Variants in PIK3C3 observed in about 807,000 individuals in gnomAD.
PIK3C3 encodes phosphatidylinositol 3-kinase catalytic subunit type 3, also known as PI3-kinase type 3.
PIK3C3 carries 95 observed loss-of-function variants against 126.1 expected under a neutral mutation model. The ratio of observed to expected loss-of-function variants is 0.75; its 90% CI spans 0.64 to 0.89. The LOEUF (loss-of-function observed/expected upper bound fraction) is 0.89. Ranked by LOEUF, PIK3C3 falls within the 40% of genes least tolerant of loss-of-function variation. The pLI, the probability that PIK3C3 is intolerant of heterozygous loss-of-function variation, is 0.00. For missense variants in PIK3C3, 829 were observed against 1,063.2 expected (o/e 0.78, Z 3.06); for synonymous variants, 374 against 360.0 (o/e 1.04, Z -0.44).
intron 4 of PIK3C3, among the ~76,000 whole-genome samples, chr18:41,981,157 G>A (rs1299862494): frequency 2.6e-5 from 4 of 152,168 alleles, no homozygotes; most frequent in African/African-American, 4.8e-5. Flanking sequence ...GGAATATCTC[G>A]TAAATTTATT....
At chr18:41,979,710 A>G (rs1981100461) in intron 4 of PIK3C3, among the ~76,000 whole-genome samples, 1 of 152,076 alleles carries the variant, frequency 6.6e-6, no homozygotes, top group South Asian at 2.1e-4. Context: ...TAATAATGAG[A>G]TACATTATAA....
intron 2 of PIK3C3, among the ~76,000 whole-genome samples, chr18:41,959,912 C>T (rs1392905019): frequency 6.6e-6 from 1 of 151,946 alleles, no homozygotes; most frequent in Non-Finnish European, 1.5e-5. Flanking sequence ...AAATTGCCAT[C>T]CTAAAGTGAG....
At chr18:42,036,359 C>T (rs1984049145) in intron 16 of PIK3C3, among the ~76,000 whole-genome samples, 1 of 152,050 alleles carries the variant, frequency 6.6e-6, no homozygotes, top group African/African-American at 2.4e-5. Flanking sequence ...TCTGTTCATC[C>T]ATCTATATGA....
At chr18:42,020,301 T>C (rs2144417792) in intron 12 of PIK3C3, among the ~76,000 whole-genome samples, 1 of 152,208 alleles carries the variant, frequency 6.6e-6, no homozygotes, top group East Asian at 1.9e-4. Flanking sequence ...TCCAGTGTCA[T>C]TTTGGTCTTG....
At chr18:41,978,276 A>G (rs1028395624) in intron 4 of PIK3C3, among the ~76,000 whole-genome samples, 2 of 152,210 alleles carry the variant, frequency 1.3e-5, no homozygotes, top group African/African-American at 4.8e-5. Flanking sequence ...TTACACCACT[A>G]TAAAAGAAGT....
At chr18:41,995,326 C>G (rs1279612268) in intron 7 of PIK3C3, among the ~76,000 whole-genome samples, 1 of 152,014 alleles carries the variant, frequency 6.6e-6, no homozygotes, top group Non-Finnish European at 1.5e-5. Flanking sequence ...ATAGACAATT[C>G]ACACATGCAA....
intron 9 of PIK3C3, among the ~76,000 whole-genome samples, chr18:41,997,546 G>A (rs897064972): frequency 2.0e-5 from 3 of 152,108 alleles, no homozygotes; most frequent in African/African-American, 7.2e-5. Flanking sequence ...ATCAGTGATT[G>A]TGAACTTTGT....
At chr18:42,047,957 A>G (rs1357119991) in intron 20 of PIK3C3, among the ~76,000 whole-genome samples, 1 of 152,186 alleles carries the variant, frequency 6.6e-6, no homozygotes. Context: ...CTGTGTAACC[A>G]TTCAACCCTG....
At chr18:42,024,686 C>G (rs779738781) in intron 13 of PIK3C3, among the ~76,000 whole-genome samples, 1 of 152,092 alleles carries the variant, frequency 6.6e-6, no homozygotes, top group East Asian at 1.9e-4. Context: ...TCACCCGCCT[C>G]GGCCTCCCAA....
chr18:42,069,563 C>A (rs754084593), intron 24 of PIK3C3, among the ~76,000 whole-genome samples: 8 of 152,024 alleles, frequency 5.3e-5, no homozygotes, highest in Non-Finnish European at 1.0e-4. Context: ...TTATTTTTTT[C>A]TTTTTTTAAG....
At chr18:42,067,683 A>G (rs1486561151) in intron 24 of PIK3C3, among the ~76,000 whole-genome samples, 170 bp downstream of exon 24, 1 of 152,238 alleles carries the variant, frequency 6.6e-6, no homozygotes. Context: ...CACGTTACTA[A>G]TTCCAAAACA....
At chr18:41,956,144 A>T (rs1328886078) in intron 1 of PIK3C3, among the ~76,000 whole-genome samples, 1 of 152,242 alleles carries the variant, frequency 6.6e-6, no homozygotes, top group Admixed American at 6.5e-5. Context: ...ATCCATAATT[A>T]ATAAACATTT....
intron 22 of PIK3C3, among the ~76,000 whole-genome samples, chr18:42,058,665 G>A (rs34484256): frequency 7.0e-4 from 107 of 152,058 alleles, no homozygotes; most frequent in African/African-American, 2.4e-3. Flanking sequence ...TTTTTTCTCC[G>A]TCCTTTTTTC....
rs752234127 is a variant in PIK3C3 at position 41,955,274 on chromosome 18, A to G, written c.-18A>G. 2 of 1,608,834 alleles carry G rather than the reference A, an allele frequency of 1.2e-6. No individual in the cohort carries two copies. Among genetic ancestry groups the G allele is most frequent in the Non-Finnish European group, 1.7e-6 (2 of 1,176,426 alleles). On this transcript the variant is annotated 5_prime_UTR_variant, in exon 1 of 25. Transcript: ENST00000262039. ...TACCTAAGTTCCCGCTGTAGGTGGT[A>G]CCTTTGCAGACGGTGCGATGGGGGA...
intron 5 of PIK3C3, among the ~76,000 whole-genome samples, chr18:41,988,660 T>C (rs1175122181): frequency 1.3e-5 from 2 of 152,176 alleles, no homozygotes; most frequent in Non-Finnish European, 2.9e-5. Flanking sequence ...AAGTTTTTAA[T>C]TTTACAGTGA....
intron 13 of PIK3C3, among the ~76,000 whole-genome samples, chr18:42,022,944 T>A (rs578114322): frequency 4.6e-5 from 7 of 152,284 alleles, no homozygotes; most frequent in Admixed American, 3.3e-4. Context: ...GCCGGTCTTA[T>A]GGAAAAATAT....
At chr18:42,051,726 G>C (rs533259811) in intron 21 of PIK3C3, among the ~76,000 whole-genome samples, 6 of 151,826 alleles carry the variant, frequency 4.0e-5, no homozygotes, top group Non-Finnish European at 8.8e-5. Flanking sequence ...ATTGTAATTT[G>C]GAAGTTTTCA....
intron 9 of PIK3C3, among the ~76,000 whole-genome samples, chr18:41,997,903 C>T (rs902659466): frequency 1.3e-5 from 2 of 152,104 alleles, no homozygotes; most frequent in African/African-American, 4.8e-5. Context: ...TTAGCAGACA[C>T]CCTGAAATGC....
intron 12 of PIK3C3, among the ~76,000 whole-genome samples, chr18:42,020,310 T>C (rs1041129906): frequency 2.0e-5 from 3 of 152,164 alleles, no homozygotes; most frequent in African/African-American, 7.2e-5. Flanking sequence ...ATTTTGGTCT[T>C]GCCTGAATGT....
Sources: gnomAD v4.1 joint callset for allele counts (sites outside exome capture counted in the v4.1 genomes callset) on GRCh38, gnomAD v4.1.1 for gene constraint, MANE v1.5 for transcripts, NCBI Gene and HGNC (gene_info 2026-07-23, HGNC 2026-07-21) for gene names.